LGI1: variants seen among roughly 807,000 people sequenced by gnomAD.
LGI1 encodes leucine-rich glioma-inactivated protein 1.
In LGI1, 11 loss-of-function variants were observed where a neutral mutation model predicts 57.7. That is an observed-to-expected ratio of 0.19 (90% CI 0.12 to 0.32). The LOEUF (loss-of-function observed/expected upper bound fraction) is 0.32, where lower values mean the gene tolerates loss of function less well. LGI1 is among the 10% of genes least tolerant of loss of function. LGI1 has a pLI of 1.00. For synonymous variants in LGI1, 222 were observed against 241.9 expected (o/e 0.92, Z 0.76); for missense variants, 422 against 661.9 (o/e 0.64, Z 3.98).
intron 4 of LGI1, among the ~76,000 whole-genome samples, chr10:93,780,696 A>C (rs563942820): frequency 6.6e-6 from 1 of 152,292 alleles, no homozygotes; most frequent in Non-Finnish European, 1.5e-5. Context: ...GACAGCTCCC[A>C]CCGTCTTTGA....
chr10:93,787,587 A>T (rs1455585344), intron 4 of LGI1, among the ~76,000 whole-genome samples: 1 of 152,188 alleles, frequency 6.6e-6, no homozygotes, highest in Non-Finnish European at 1.5e-5. Flanking sequence ...TTGGGCAGGA[A>T]GTAGAACTTC....
intron 2 of LGI1, chr10:93,768,427 T>A (rs943548458): frequency 1.3e-5 from 2 of 152,070 alleles, no homozygotes; most frequent in Non-Finnish European, 2.9e-5. Flanking sequence ...TACATCTTAG[T>A]ATTCATTTGA....
At chr10:93,779,455 A>G (rs538692667) in intron 4 of LGI1, among the ~76,000 whole-genome samples, 1 of 143,446 alleles carries the variant, frequency 7.0e-6, no homozygotes, top group African/African-American at 2.6e-5. Context: ...GGGGAGGGGA[A>G]AGGAGGGAAG....
Position 93,793,249 on chromosome 10 carries a change from A to G in LGI1, c.737A>G (p.Asn246Ser). 1 of 1,613,048 alleles carries G rather than the reference A, an allele frequency of 6.2e-7. No homozygotes were observed. Among genetic ancestry groups the G allele is most frequent in the Non-Finnish European group, 8.5e-7 (1 of 1,179,088 alleles). ...TCCATAGACACTTTTTCTTATTTGA[A>G]TGATGAGTATGTAGTCATCGCTCAG... ...SLSIDTFSYL[N>S]DEYVVIAQPF... is the part of the protein sequence containing the mutation. Residue 246 changes from asparagine to serine, a missense_variant, in exon 7 of 8, where the codon AAT (asparagine) becomes AGT (serine). Asn to Ser is a conservative substitution (Grantham distance 46). This residue lies in a region of LGI1 where 301 missense variants were observed against 461.7 expected (regional missense o/e 0.65). Coordinates refer to ENST00000371418, the MANE Select transcript of LGI1 (RefSeq NM_005097.4).
chr10:93,782,901 C>G (rs2059858839), intron 4 of LGI1: 1 of 152,286 alleles, frequency 6.6e-6, no homozygotes, highest in East Asian at 1.9e-4. Flanking sequence ...AGAAGACTTT[C>G]CAGTGGGTTC....
chr10:93,778,748 G>C (rs144885363), intron 4 of LGI1: 3 of 152,300 alleles, frequency 2.0e-5, no homozygotes, highest in Admixed American at 6.5e-5. Context: ...CATTCTGTCA[G>C]CTTTAACCTG....
chr10:93,789,885 T>C (rs112367413), intron 4 of LGI1: 17 of 537,754 alleles, frequency 3.2e-5, no homozygotes, highest in African/African-American at 1.9e-4. Flanking sequence ...GAAATAAAAG[T>C]AAATAAATAT....
chr10:93,760,811 G>C (rs1224613491), intron 2 of LGI1, among the ~76,000 whole-genome samples: 1 of 152,126 alleles, frequency 6.6e-6, no homozygotes, highest in Non-Finnish European at 1.5e-5. Flanking sequence ...GAGTTCCTAT[G>C]GAACATTCCA....
At position 93,793,189 on chromosome 10, in the gene LGI1, T is replaced by A; in HGVS notation, c.677T>A (p.Phe226Tyr). 1 of 1,610,078 alleles carries A rather than the reference T, an allele frequency of 6.2e-7. No homozygotes were observed. The highest frequency in any genetic ancestry group is 2.2e-5 in the East Asian group (1 of 44,802). Reference protein sequence around the residue: ...SKDFDCIITEFAKSQDLPYQS... With the variant: ...SKDFDCIITEYAKSQDLPYQS... ...TTATTATTTCCTATTTTTGCAGAAT[T>A]TGCAAAGTCTCAAGACCTGCCTTAT... The change falls in exon 7 of 8, where the codon TTT becomes TAT. Residue 226 changes from phenylalanine to tyrosine, a missense_variant. Phe to Tyr is a conservative substitution (Grantham distance 22). Around this residue, in one of 3 missense-constraint regions of LGI1, gnomAD observed 301 missense variants for 461.7 expected, o/e 0.65. Coordinates refer to ENST00000371418, the MANE Select transcript of LGI1 (RefSeq NM_005097.4).
In LGI1 at chr10:93,792,351, A is replaced by G. The variant is rs144927280; in HGVS notation, c.504-392A>G. On this transcript the variant is annotated intron_variant, in intron 5 of 7. Coordinates refer to ENST00000371418, the MANE Select transcript of LGI1 (RefSeq NM_005097.4). The stretch of plus-strand genomic sequence containing the variant: ...ATATTGATGATGTGTCAAAATGATA[A>G]TCTTTTGTATGTATTGGGTTAAATA... 5.8e-3 allele frequency: 1,098 copies of G among 190,638 alleles called. 15 individuals carry two copies. Among genetic ancestry groups the G allele is most frequent in the African/African-American group, 0.025 (1,059 of 42,990 alleles). The allele number at this position is 190,638 out of a possible 1,614,324, so 11.8% of individuals were successfully genotyped here. A position where few individuals can be genotyped will look rare whatever the true frequency, so the allele number is the denominator to read the frequency against.
At chr10:93,787,759 T>C (rs548967060) in intron 4 of LGI1, among the ~76,000 whole-genome samples, 104 of 151,956 alleles carry the variant, frequency 6.8e-4, no homozygotes, top group African/African-American at 2.3e-3. Context: ...AAAAAAAACT[T>C]AGTTGGGCAT....
At chr10:93,766,080 T>C (rs1005520732) in intron 2 of LGI1, among the ~76,000 whole-genome samples, 2 of 151,984 alleles carry the variant, frequency 1.3e-5, no homozygotes, top group African/African-American at 4.8e-5. Context: ...CTGGCTGTTA[T>C]AAGGTTATTA....
intron 4 of LGI1, among the ~76,000 whole-genome samples, chr10:93,781,349 A>G (rs2059846306): frequency 6.6e-6 from 1 of 150,570 alleles, no homozygotes; most frequent in African/African-American, 2.4e-5. Flanking sequence ...AAAGAGCAAG[A>G]CTCCGTCTCT....
chr10:93,760,453 TC>T (rs1221900776), intron 2 of LGI1, among the ~76,000 whole-genome samples: 1 of 152,232 alleles, frequency 6.6e-6, no homozygotes, highest in Non-Finnish European at 1.5e-5. Flanking sequence ...TTAAAAAGCA[TC>T]CTTTTGATAT....
chr10:93,797,380 A>G lies in LGI1; in HGVS notation c.1251A>G (p.Thr417=). The change falls in exon 8 of 8, where the codon ACA becomes ACG. Residue 417 remains threonine, a synonymous_variant. Transcript: ENST00000371418. The surrounding 1 kb of genome is among the most constrained non-coding windows in gnomAD (Gnocchi z 6.5). ...RPVIYQWNKA[T]QLFTNQTDIP... ...TAATTTATCAGTGGAACAAAGCAACACAATTATTCACTAACCAAACTGACA... is the reference window on the plus strand; with the variant it reads ...TAATTTATCAGTGGAACAAAGCAACGCAATTATTCACTAACCAAACTGACA... 6.2e-7 allele frequency: 1 copy of G among 1,614,238 alleles called. No homozygotes were observed. The highest frequency in any genetic ancestry group is 1.7e-5 in the Admixed American group (1 of 60,030).
chr10:93,766,080 T>A (rs1005520732), intron 2 of LGI1, among the ~76,000 whole-genome samples: 2 of 152,096 alleles, frequency 1.3e-5, no homozygotes, highest in South Asian at 2.1e-4. Context: ...CTGGCTGTTA[T>A]AAGGTTATTA....
intron 7 of LGI1, among the ~76,000 whole-genome samples, chr10:93,795,115 A>G (rs1413577852): frequency 6.6e-6 from 1 of 152,128 alleles, no homozygotes; most frequent in Non-Finnish European, 1.5e-5. Flanking sequence ...TGGTTCATCA[A>G]TTTCTTTGAA....
At chr10:93,778,507 T>C (rs185239689) in intron 4 of LGI1, among the ~76,000 whole-genome samples, 1 of 152,156 alleles carries the variant, frequency 6.6e-6, no homozygotes, top group Non-Finnish European at 1.5e-5. Flanking sequence ...TTTCATCTAA[T>C]CCTCTCAATA....
At chr10:93,783,181 C>T (rs1412463016) in intron 4 of LGI1, 7 of 151,910 alleles carry the variant, frequency 4.6e-5, no homozygotes, top group African/African-American at 1.7e-4. Flanking sequence ...TCGAGACCAT[C>T]CTGGCTAACA....
Sources: allele counts gnomAD v4.1 joint callset (sites outside exome capture counted in the v4.1 genomes callset), GRCh38; gene constraint gnomAD v4.1.1; regional missense constraint gnomAD v4.1.1; non-coding constraint Gnocchi (gnomAD v3.1); transcripts MANE v1.5; gene names NCBI Gene and HGNC (gene_info 2026-07-23, HGNC 2026-07-21).